The following EYS variants were observed in gnomAD, a reference collection of about 807,000 sequenced individuals.
EYS encodes the protein EGF-like photoreceptor maintenance factor.
In EYS, 250 loss-of-function variants were observed where a neutral mutation model predicts 282.1. The ratio of observed to expected loss-of-function variants is 0.89; its 90% confidence interval spans 0.80 to 0.98. The LOEUF (loss-of-function observed/expected upper bound fraction) is 0.98, where lower values mean the gene tolerates loss of function less well. EYS is among the 50% of genes least tolerant of loss of function. The probability of loss-of-function intolerance (pLI) is 0.00; values close to 1 mark genes in which losing one functional copy is unlikely to be tolerated. For synonymous variants in EYS, 1,355 were observed against 1,282.9 expected, an observed-to-expected ratio of 1.06 and a Z score of -1.20; for missense variants, 4,016 against 3,709.0, an observed-to-expected ratio of 1.08 and a Z score of -2.15.
Position 64,591,913 on chromosome 6 carries a change from G to C in EYS, c.3954C>G (p.Pro1318=). 6.5e-7 allele frequency: 1 copy of C among 1,547,586 alleles called. No homozygotes were observed. ...GTTCTTGGAGTAAGTAGCTTTCCAA[G>C]GGTGTGCTAATTCTTAATGTTGCCA... is the stretch of plus-strand genomic sequence containing the variant. ...TGLATLRIST[P]LESYLLQELI... Residue 1318 remains proline, a synonymous_variant, in exon 26 of 43, where the codon CCC becomes CCG. Transcript: ENST00000503581.
chr6:64,662,332 A>G (rs916855184), intron 22 of EYS, among the ~76,000 whole-genome samples: 6 of 152,056 alleles, frequency 3.9e-5, no homozygotes, highest in Non-Finnish European at 7.4e-5. Flanking sequence ...ATGTATACAT[A>G]TGTAACTAAC....
At chr6:64,806,790 G>A (rs553278320) in intron 22 of EYS, among the ~76,000 whole-genome samples, 2 of 151,854 alleles carry the variant, frequency 1.3e-5, no homozygotes, top group South Asian at 4.2e-4. Context: ...ATGAGGACTC[G>A]GTAAGGCAAA....
chr6:64,097,825 A>T (rs771539706), intron 31 of EYS, among the ~76,000 whole-genome samples: 41 of 152,226 alleles, frequency 2.7e-4, no homozygotes, highest in Non-Finnish European at 5.4e-4. Context: ...AATTATAATT[A>T]GTAAGTCGTT....
At chr6:64,847,885 C>G (rs1463199018) in intron 19 of EYS, among the ~76,000 whole-genome samples, 1 of 152,196 alleles carries the variant, frequency 6.6e-6, no homozygotes, top group South Asian at 2.1e-4. Flanking sequence ...TCTATCAATG[C>G]TGATTGGAAA....
chr6:65,554,093 G>A (rs2127336521), intron 2 of EYS, among the ~76,000 whole-genome samples: 1 of 152,146 alleles, frequency 6.6e-6, no homozygotes. Context: ...TGAGAAGACG[G>A]CAATTGGCAA....
intron 12 of EYS, among the ~76,000 whole-genome samples, chr6:65,210,220 C>T (rs771549112): frequency 1.6e-4 from 24 of 152,048 alleles, no homozygotes; most frequent in Non-Finnish European, 2.4e-4. Flanking sequence ...AAATTACATG[C>T]GAATGCGTAA....
intron 22 of EYS, among the ~76,000 whole-genome samples, chr6:64,634,537 C>G (rs1403039233): frequency 1.2e-5 from 1 of 83,524 alleles, no homozygotes; most frequent in Non-Finnish European, 2.4e-5. Flanking sequence ...CAGTAAGATA[C>G]CCTAGCTTCC....
At chr6:64,772,343 T>C (rs189030043) in intron 22 of EYS, among the ~76,000 whole-genome samples, 228 of 151,870 alleles carry the variant, frequency 1.5e-3, no homozygotes, top group African/African-American at 5.4e-3. Flanking sequence ...TTTGTGTAAG[T>C]AGCTGTATCA....
rs980208000 is a variant in EYS at position 63,984,429 on chromosome 6, G to A, written c.7009C>T (p.Pro2337Ser). 3 of 1,549,604 alleles carry A rather than the reference G, an allele frequency of 1.9e-6. No homozygotes were observed. The highest frequency in any genetic ancestry group is 2.6e-6 in the Non-Finnish European group (3 of 1,145,558). The change falls in exon 35 of 43, where the codon CCT becomes TCT. Residue 2337 changes from proline (P) to serine (S), a missense_variant. Pro to Ser is a moderately conservative substitution (Grantham distance 74). Coordinates refer to ENST00000503581, the MANE Select transcript of EYS (RefSeq NM_001142800.2). ...CGGCACAGATGATGAGCACACCAAG[G>A]GACGTGGCAGTTCTCAATATTCTTT... ...HGKNIENCHV[P>S]WCAHHLCRNN...
At chr6:63,910,107 G>T (rs533614730) in intron 35 of EYS, among the ~76,000 whole-genome samples, 2 of 152,208 alleles carry the variant, frequency 1.3e-5, no homozygotes, top group South Asian at 4.1e-4. Context: ...AGAAACGGAA[G>T]AAAATAATAT....
At chr6:64,833,025 C>A (rs897244584) in intron 19 of EYS, among the ~76,000 whole-genome samples, 1 of 151,916 alleles carries the variant, frequency 6.6e-6, no homozygotes, top group African/African-American at 2.4e-5. Context: ...ATTCCCCATT[C>A]CAACTCATAA....
At chr6:64,896,093 T>A (rs1330432629) in intron 18 of EYS, among the ~76,000 whole-genome samples, 11 of 152,158 alleles carry the variant, frequency 7.2e-5, no homozygotes, top group African/African-American at 2.7e-4. Flanking sequence ...ATAAGGATTC[T>A]TACAAAGCCA....
At chr6:64,070,360 A>T (rs1771529812) in intron 32 of EYS, among the ~76,000 whole-genome samples, 1 of 152,154 alleles carries the variant, frequency 6.6e-6, no homozygotes. Context: ...TAAGATATCA[A>T]ATTCATTAAT....
intron 23 of EYS, among the ~76,000 whole-genome samples, chr6:64,622,773 T>C (rs1767487367): frequency 6.6e-6 from 1 of 152,168 alleles, no homozygotes; most frequent in Admixed American, 6.6e-5. Context: ...TGTGTAGTTT[T>C]CTACCTGGAG....
chr6:63,999,005 A>G, intron 34 of EYS, 70 bp downstream of exon 34: 1 of 927,580 alleles, frequency 1.1e-6, no homozygotes, highest in African/African-American at 1.7e-5. Flanking sequence ...CTGCTTAGTA[A>G]CATAAAAAAT....
At chr6:64,121,677 C>T (rs1773594179) in intron 31 of EYS, among the ~76,000 whole-genome samples, 1 of 152,142 alleles carries the variant, frequency 6.6e-6, no homozygotes, top group African/African-American at 2.4e-5. Flanking sequence ...AAATCTTCTG[C>T]AATTTTCTAA....
chr6:63,753,210 T>A (rs1161157399), intron 41 of EYS, among the ~76,000 whole-genome samples: 2 of 149,122 alleles, frequency 1.3e-5, no homozygotes, highest in Non-Finnish European at 3.0e-5. Flanking sequence ...ATGCTATTCT[T>A]ATGCTATTTG....
intron 14 of EYS, among the ~76,000 whole-genome samples, chr6:64,969,643 G>A (rs982820847): frequency 6.6e-6 from 1 of 151,944 alleles, no homozygotes; most frequent in Non-Finnish European, 1.5e-5. Context: ...GCTTGAAGAT[G>A]GTGCAGACAT....
At chr6:64,920,437 G>T (rs1353191286) in intron 15 of EYS, among the ~76,000 whole-genome samples, 3 of 152,112 alleles carry the variant, frequency 2.0e-5, no homozygotes, top group Non-Finnish European at 4.4e-5. Flanking sequence ...AATGGTGTGT[G>T]TGTGTAAGCG....
Sources: gnomAD v4.1 joint callset for allele counts (sites outside exome capture counted in the v4.1 genomes callset) on GRCh38, gnomAD v4.1.1 for gene constraint, MANE v1.5 for transcripts, NCBI Gene and HGNC (gene_info 2026-07-23, HGNC 2026-07-21) for gene names.